ACOX1: variants seen among roughly 807,000 people sequenced by gnomAD.
The protein encoded by ACOX1 is acyl-CoA oxidase 1.
A neutral mutation model predicts 75.5 loss-of-function variants in ACOX1; 41 were observed. That is an observed-to-expected ratio of 0.54 (90% CI 0.42 to 0.70). ACOX1 has a LOEUF of 0.70. Ranked by LOEUF, ACOX1 falls within the 30% of genes least tolerant of loss-of-function variation. The pLI is 0.00. For synonymous variants in ACOX1, 303 were observed against 298.8 expected (o/e 1.01, Z -0.15); for missense variants, 630 against 837.5 (o/e 0.75, Z 3.06).
Position 75,948,328 on chromosome 17 carries a change from C to G in ACOX1, c.1858G>C (p.Val620Leu). 2.5e-6 allele frequency: 4 copies of G among 1,614,158 alleles called. No individual in the cohort carries two copies. Among genetic ancestry groups the G allele is most frequent in the Non-Finnish European group, 3.4e-6 (4 of 1,180,024 alleles). ...FDFQDVTLGS[V>L]LGRYDGNVYE... ...ACATTCCCATCATAGCGGCCAAGCACAGAGCCAAGTGTCACATCCTGAAAA... is the reference window on the plus strand; with the variant it reads ...ACATTCCCATCATAGCGGCCAAGCAGAGAGCCAAGTGTCACATCCTGAAAA... The change falls in exon 13 of 14, where the codon GTG (valine) becomes CTG (leucine). Residue 620 changes from valine (V) to leucine (L), a missense_variant. Val to Leu is a conservative substitution (Grantham distance 32). This residue lies in a region of ACOX1 where 240 missense variants were observed against 262.7 expected (regional missense o/e 0.91). Coordinates refer to ENST00000293217, the MANE Select transcript of ACOX1 (RefSeq NM_004035.7).
At chr17:75,948,166 C>G in intron 13 of ACOX1, 85 bp downstream of exon 13, 2 of 1,398,552 alleles carry the variant, frequency 1.4e-6, no homozygotes, top group Admixed American at 1.8e-5. Flanking sequence ...AGAGCTTTCA[C>G]AGATAAATCC....
chr17:75,957,056 T>C (rs934769700), intron 4 of ACOX1, among the ~76,000 whole-genome samples: 1 of 147,188 alleles, frequency 6.8e-6, no homozygotes, highest in African/African-American at 2.5e-5. Context: ...CACACCCCTC[T>C]ATGTACACAC....
chr17:75,955,358 C>T (rs1166232779), intron 6 of ACOX1, among the ~76,000 whole-genome samples: 1 of 151,808 alleles, frequency 6.6e-6, no homozygotes, highest in East Asian at 1.9e-4. Flanking sequence ...GAGATGGGTT[C>T]TCACTATGTT....
chr17:75,969,231 A>G (rs1157131285), intron 2 of ACOX1, among the ~76,000 whole-genome samples: 1 of 152,162 alleles, frequency 6.6e-6, no homozygotes, highest in African/African-American at 2.4e-5. Flanking sequence ...CAATGGCGCA[A>G]TCTCAGCTCA....
chr17:75,950,629 C>T lies in ACOX1; in HGVS notation c.1298+145G>A, dbSNP rs187721156. On this transcript the variant is annotated intron_variant, in intron 9 of 13. Coordinates refer to ENST00000293217, the MANE Select transcript of ACOX1 (RefSeq NM_004035.7). This position sits in a 1 kb window ranked among gnomAD's most constrained non-coding sequence, Gnocchi z 4.3. Reference sequence around the variant, plus strand: ...TCTAGCCTCACCACGAAATAAAAACCGTGAGTCAGGATGGAAGGCAAAAGT... The same window carrying T: ...TCTAGCCTCACCACGAAATAAAAACTGTGAGTCAGGATGGAAGGCAAAAGT... 4.9e-6 allele frequency: 4 copies of T among 824,716 alleles called. No homozygotes were observed. The African/African-American group carries it at 5.2e-5, about 11-fold the overall frequency. 51.1% of individuals were successfully genotyped at this position (824,716 alleles called of 1,614,324 possible). A position where few individuals can be genotyped will look rare whatever the true frequency, so the allele number is the denominator to read the frequency against.
In ACOX1 at chr17:75,958,764, C is replaced by T. The variant is rs573467739; in HGVS notation, c.431-1198G>A. 1.2e-4 allele frequency among the ~76,000 whole-genome samples: 18 copies of T among 148,606 alleles called. No individual in the cohort carries two copies. In the South Asian group the frequency reaches 3.0e-3, roughly 25 times the overall value. The stretch of plus-strand genomic sequence containing the variant: ...TGGAGCTTGCAGTGAGCTGAGATCG[C>T]GCCACTGCACTCCAGCCTGGGCGAC... On this transcript the variant is annotated intron_variant, in intron 3 of 13. Transcript: ENST00000293217.
chr17:75,966,647 CA>C (rs1391115437), intron 2 of ACOX1, among the ~76,000 whole-genome samples: 4 of 151,596 alleles, frequency 2.6e-5, no homozygotes, highest in African/African-American at 9.7e-5. Context: ...ACTAAAAATA[CA>C]AAAAATTAGC....
chr17:75,974,412 A>G (rs2066024917), intron 2 of ACOX1, among the ~76,000 whole-genome samples: 1 of 152,218 alleles, frequency 6.6e-6, no homozygotes, highest in South Asian at 2.1e-4. Flanking sequence ...GAACATTACT[A>G]CGGATTAACT....
intron 2 of ACOX1, among the ~76,000 whole-genome samples, chr17:75,975,993 C>T (rs1454293945): frequency 6.6e-6 from 1 of 152,096 alleles, no homozygotes; most frequent in Non-Finnish European, 1.5e-5. Flanking sequence ...ATGTATTTCA[C>T]AATTAATAGC....
intron 2 of ACOX1, among the ~76,000 whole-genome samples, chr17:75,962,693 A>T (rs907141585): frequency 1.3e-5 from 2 of 152,216 alleles, no homozygotes; most frequent in African/African-American, 2.4e-5. Flanking sequence ...GTGTGACTGA[A>T]TCCCTCATTT....
chr17:75,977,708 T>A (rs1230105494), intron 2 of ACOX1, among the ~76,000 whole-genome samples: 2 of 152,238 alleles, frequency 1.3e-5, no homozygotes, highest in Admixed American at 6.5e-5. Flanking sequence ...CTGTCATGGA[T>A]TCAGAACTAC....
chr17:75,953,321 G>C, intron 7 of ACOX1, 130 bp downstream of exon 7: 1 of 972,582 alleles, frequency 1.0e-6, no homozygotes. Context: ...GAAATTACAG[G>C]CCCAGTTATC....
intron 2 of ACOX1, among the ~76,000 whole-genome samples, chr17:75,971,192 G>C (rs1300551741): frequency 6.6e-6 from 1 of 151,852 alleles, no homozygotes. Context: ...TAGGGAGGGA[G>C]AGGCAGGAGA....
chr17:75,948,148 G>C, intron 13 of ACOX1, 103 bp downstream of exon 13: 1 of 1,196,970 alleles, frequency 8.4e-7, no homozygotes, highest in Non-Finnish European at 1.2e-6. Context: ...AGTGGCCATG[G>C]TACTTTCAGA....
At chr17:75,968,773 G>C (rs2065965732) in intron 2 of ACOX1, among the ~76,000 whole-genome samples, 1 of 150,172 alleles carries the variant, frequency 6.7e-6, no homozygotes, top group African/African-American at 2.5e-5. Context: ...AAATACAAAA[G>C]TAGCCGGGCG....
intron 4 of ACOX1, among the ~76,000 whole-genome samples, chr17:75,956,953 C>A (rs1598182045): frequency 1.3e-4 from 4 of 30,978 alleles, no homozygotes; most frequent in African/African-American, 6.4e-4. Flanking sequence ...CTCTCTCTCT[C>A]TCTCTCTCTC....
chr17:75,976,848 G>A (rs1056994471), intron 2 of ACOX1, among the ~76,000 whole-genome samples: 1 of 152,010 alleles, frequency 6.6e-6, no homozygotes, highest in Non-Finnish European at 1.5e-5. Context: ...AGTCTTTACC[G>A]ATGAAAATAC....
chr17:75,969,769 A>G (rs2065975301), intron 2 of ACOX1, among the ~76,000 whole-genome samples: 1 of 152,200 alleles, frequency 6.6e-6, no homozygotes, highest in South Asian at 2.1e-4. Context: ...TATGTATCAT[A>G]CAATCTCTAT....
At chr17:75,973,613 A>ATG (rs2066017032) in intron 2 of ACOX1, 3 of 1,614,128 alleles carry the variant, frequency 1.9e-6, no homozygotes, top group Non-Finnish European at 2.5e-6. Context: ...CAGACCCTCA[A>ATG]TGTGGACTAA....
Sources: gnomAD v4.1 joint callset for allele counts (sites outside exome capture counted in the v4.1 genomes callset) on GRCh38, gnomAD v4.1.1 for gene constraint, gnomAD v4.1.1 regional missense constraint, Gnocchi (gnomAD v3.1) non-coding constraint, MANE v1.5 for transcripts, NCBI Gene and HGNC (gene_info 2026-07-23, HGNC 2026-07-21) for gene names.